WDR7: variants seen among roughly 807,000 people sequenced by gnomAD.
WDR7 encodes WD repeat-containing protein 7.
WDR7 carries 46 observed loss-of-function variants against 169.4 expected under a neutral mutation model. The ratio of observed to expected loss-of-function variants is 0.27; its 90% confidence interval spans 0.21 to 0.35. WDR7 has a LOEUF of 0.35. Among genes scored for constraint, WDR7 ranks in the 10% least tolerant of loss-of-function variants. The probability of loss-of-function intolerance (pLI) is 1.00; values close to 1 mark genes in which losing one functional copy is unlikely to be tolerated. For missense variants in WDR7, 1,534 were observed against 1,859.3 expected (o/e 0.83, Z 3.22); for synonymous variants, 612 against 666.8 (o/e 0.92, Z 1.27).
At chr18:56,829,877 C>A (rs1417526906) in intron 20 of WDR7, among the ~76,000 whole-genome samples, 1 of 152,072 alleles carries the variant, frequency 6.6e-6, no homozygotes, top group Non-Finnish European at 1.5e-5. Context: ...TAAAGGAGAA[C>A]CCAATTTTTA....
chr18:56,999,585 AG>A (rs1233372031), intron 26 of WDR7, among the ~76,000 whole-genome samples: 16 of 152,114 alleles, frequency 1.1e-4, no homozygotes, highest in Non-Finnish European at 1.5e-5. Context: ...AAAAATCTCT[AG>A]AAAAAAGGGT....
chr18:56,794,080 T>C (rs2044538679), intron 19 of WDR7, among the ~76,000 whole-genome samples: 1 of 152,132 alleles, frequency 6.6e-6, no homozygotes, highest in African/African-American at 2.4e-5. Context: ...TTTTCTATTC[T>C]GTTTTAAAAA....
At chr18:56,692,739 A>G (rs582195) in intron 9 of WDR7, among the ~76,000 whole-genome samples, 138,862 of 151,982 alleles carry the variant, frequency 0.91, 64,632 homozygotes, top group Non-Finnish European at 1. Flanking sequence ...CATTTTCTTT[A>G]AATATCAGCT....
At chr18:56,823,116 T>A (rs2145246218) in intron 20 of WDR7, among the ~76,000 whole-genome samples, 1 of 152,252 alleles carries the variant, frequency 6.6e-6, no homozygotes. Flanking sequence ...CTTTCTTTTC[T>A]CGTATTTTCT....
At chr18:56,823,813 T>C (rs912386376) in intron 20 of WDR7, among the ~76,000 whole-genome samples, 26 of 152,368 alleles carry the variant, frequency 1.7e-4, no homozygotes, top group Non-Finnish European at 3.2e-4. Context: ...TCAGTGGTTT[T>C]TGTCTTCTCT....
chr18:56,805,296 A>G (rs1380760126), intron 19 of WDR7, among the ~76,000 whole-genome samples: 6 of 152,126 alleles, frequency 3.9e-5, no homozygotes, highest in African/African-American at 1.4e-4. Flanking sequence ...TGTAACTAAC[A>G]TGATGTAACT....
At chr18:56,981,539 A>G (rs1230453697) in intron 26 of WDR7, among the ~76,000 whole-genome samples, 1 of 152,206 alleles carries the variant, frequency 6.6e-6, no homozygotes, top group Non-Finnish European at 1.5e-5. Flanking sequence ...TTCAGTGTTT[A>G]GAGATAAGAT....
chr18:56,659,494 C>T (rs559111301), intron 1 of WDR7, among the ~76,000 whole-genome samples: 77 of 152,126 alleles, frequency 5.1e-4, no homozygotes, highest in Admixed American at 1.1e-3. Context: ...CCAGGAGAGG[C>T]AGATGATAAA....
At chr18:56,906,323 C>T (rs1470923810) in intron 21 of WDR7, among the ~76,000 whole-genome samples, 3 of 151,690 alleles carry the variant, frequency 2.0e-5, no homozygotes, top group Non-Finnish European at 4.4e-5. Context: ...GTAGATTAAG[C>T]GATTTAGGAG....
intron 14 of WDR7, among the ~76,000 whole-genome samples, chr18:56,751,376 G>A (rs574709212): frequency 1.8e-4 from 27 of 152,270 alleles, no homozygotes; most frequent in African/African-American, 6.5e-4. Flanking sequence ...CAAGTCACTT[G>A]TGCTGCTTCA....
intron 20 of WDR7, among the ~76,000 whole-genome samples, chr18:56,854,980 A>T (rs182399832): frequency 1.4e-3 from 218 of 152,324 alleles, no homozygotes; most frequent in African/African-American, 5.0e-3. Flanking sequence ...ATATCATAAT[A>T]TACTCAGGAC....
intron 24 of WDR7, 60 bp from the exon 25 acceptor site, chr18:56,939,251 T>C: frequency 7.6e-7 from 1 of 1,307,244 alleles, no homozygotes; most frequent in Non-Finnish European, 1.0e-6. Flanking sequence ...AATTAATCAT[T>C]TACATTTTGG....
intron 1 of WDR7, among the ~76,000 whole-genome samples, chr18:56,654,920 C>T (rs779479219): frequency 6.6e-6 from 1 of 152,138 alleles, no homozygotes; most frequent in Non-Finnish European, 1.5e-5. Context: ...TCCCTTTTCC[C>T]ATAGATATGG....
At chr18:56,679,505 T>A in intron 3 of WDR7, 67 bp downstream of exon 3, 1 of 1,102,396 alleles carries the variant, frequency 9.1e-7, no homozygotes, top group Non-Finnish European at 1.2e-6. Context: ...GCCTTGTAAG[T>A]AGCGAGGTAT....
chr18:56,826,766 T>C (rs2045212040), intron 20 of WDR7, among the ~76,000 whole-genome samples: 2 of 152,200 alleles, frequency 1.3e-5, no homozygotes, highest in Admixed American at 6.5e-5. Context: ...CAGCTACTCT[T>C]TCTTTGTTTA....
intron 1 of WDR7, among the ~76,000 whole-genome samples, chr18:56,664,061 A>G (rs1159979551): frequency 1.3e-5 from 2 of 152,172 alleles, no homozygotes; most frequent in Non-Finnish European, 2.9e-5. Context: ...GCTATAAAGT[A>G]TATATAAGAT....
chr18:57,017,891 C>G (rs1178341018), intron 26 of WDR7, among the ~76,000 whole-genome samples: 1 of 152,064 alleles, frequency 6.6e-6, no homozygotes, highest in Non-Finnish European at 1.5e-5. Flanking sequence ...ATAGAAGTAC[C>G]CTTCACGTGG....
At chr18:56,971,281 C>CAAA (rs35114589) in intron 26 of WDR7, among the ~76,000 whole-genome samples, 1 of 103,000 alleles carries the variant, frequency 9.7e-6, no homozygotes, top group Admixed American at 1.0e-4. Flanking sequence ...TTCTGTCTCC[C>CAAA]AAAAAAAAAA....
intron 18 of WDR7, among the ~76,000 whole-genome samples, chr18:56,780,411 C>T (rs1248786208): frequency 6.6e-6 from 1 of 152,164 alleles, no homozygotes; most frequent in African/African-American, 2.4e-5. Context: ...TTGCAGAATA[C>T]TAGCATTTTC....
Sources: gnomAD v4.1 joint callset for allele counts (sites outside exome capture counted in the v4.1 genomes callset) on GRCh38, gnomAD v4.1.1 for gene constraint, MANE v1.5 for transcripts, NCBI Gene and HGNC (gene_info 2026-07-23, HGNC 2026-07-21) for gene names.